The following DSCAM variants were observed in gnomAD, a reference collection of about 807,000 sequenced individuals.
DSCAM encodes cell adhesion molecule DSCAM.
A neutral mutation model predicts 217.7 loss-of-function variants in DSCAM; 47 were observed. That is an observed-to-expected ratio of 0.22 (90% CI 0.17 to 0.28). DSCAM has a LOEUF of 0.28. Among genes scored for constraint, DSCAM ranks in the 10% least tolerant of loss-of-function variants. The pLI is 1.00. For synonymous variants in DSCAM, 1,056 were observed against 1,015.3 expected (o/e 1.04, Z -0.76); for missense variants, 2,080 against 2,618.3 (o/e 0.79, Z 4.49).
Position 40,013,248 on chromosome 21 carries a change from A to C in DSCAM, c.5825T>G (p.Val1942Gly), listed in dbSNP as rs560448697. 4.5e-5 allele frequency: 73 copies of C among 1,613,878 alleles called. 1 individual carries two copies. The South Asian group carries it at 7.8e-4, about 17-fold the overall frequency. ...GGCTTCCATCGGGATGGGCTCCAGG[A>C]CCGTGGGGCGCTTCAGGGTCCGGCT... ...QKSRTLKRPT[V>G]LEPIPMEAAS... Residue 1942 changes from valine (V) to glycine (G), a missense_variant, in exon 33 of 33, where the codon GTC becomes GGC. Val to Gly is a moderately radical substitution (Grantham distance 109). Around this residue, in one of 5 missense-constraint regions of DSCAM, gnomAD observed 145 missense variants for 138.5 expected, o/e 1.05. Transcript: ENST00000400454.
intron 20 of DSCAM, among the ~76,000 whole-genome samples, chr21:40,105,346 C>G (rs1257144843): frequency 6.6e-6 from 1 of 152,110 alleles, no homozygotes; most frequent in East Asian, 1.9e-4. Context: ...GGCTGTGTCC[C>G]CACCCAAATC....
At chr21:40,554,565 TAAAGAATATGAGTAAC>T (rs1267102447) in intron 3 of DSCAM, among the ~76,000 whole-genome samples, 1 of 152,116 alleles carries the variant, frequency 6.6e-6, no homozygotes, top group Non-Finnish European at 1.5e-5. Context: ...TAGTACTGAG[TAAAGAATATGAGTAAC>T]AAATCTCAGA....
chr21:40,388,168 C>T (rs9976372), intron 3 of DSCAM, among the ~76,000 whole-genome samples: 103,904 of 151,994 alleles, frequency 0.68, 36,308 homozygotes, highest in African/African-American at 0.82. Flanking sequence ...AGCAGGCTTG[C>T]GCCTGGAACT....
intron 3 of DSCAM, among the ~76,000 whole-genome samples, chr21:40,387,254 GA>G (rs985764868): frequency 7.9e-5 from 12 of 151,428 alleles, no homozygotes; most frequent in Admixed American, 1.3e-4. Context: ...CATTTAGGGG[GA>G]AAAAACATAG....
chr21:40,759,947 G>A (rs2091313840), intron 1 of DSCAM, among the ~76,000 whole-genome samples: 1 of 150,446 alleles, frequency 6.6e-6, no homozygotes, highest in African/African-American at 2.4e-5. Context: ...GAGCTGTATT[G>A]GATACGTTTA....
intron 14 of DSCAM, among the ~76,000 whole-genome samples, chr21:40,185,698 C>A (rs1381963263): frequency 6.6e-6 from 1 of 152,198 alleles, no homozygotes; most frequent in African/African-American, 2.4e-5. Flanking sequence ...ACCTAAGAAG[C>A]ATTTGCTTCA....
chr21:40,226,136 T>C (rs2091330785), intron 11 of DSCAM, among the ~76,000 whole-genome samples: 1 of 152,140 alleles, frequency 6.6e-6, no homozygotes, highest in Admixed American at 6.5e-5. Context: ...GAGATGGAGT[T>C]AGTACATCGC....
rs563133615 is a variant in DSCAM, at chr21:40,568,807, C to T, written c.508+124003G>A. ...GGGCAGAATGATGTGAGAGAGGCCC[C>T]AGGAGCTCACTCAGGGCAGGCTAGA... On this transcript the variant is annotated intron_variant, in intron 3 of 32. Transcript: ENST00000400454. Among the ~76,000 whole-genome samples the T allele has an allele frequency of 4.6e-5, 7 of 152,296 alleles. 1 individual carries two copies. Among genetic ancestry groups the T allele is most frequent in the African/African-American group, 1.4e-4 (6 of 41,568 alleles).
At chr21:40,313,754 CT>C (rs1220327102) in intron 8 of DSCAM, among the ~76,000 whole-genome samples, 2 of 151,782 alleles carry the variant, frequency 1.3e-5, no homozygotes, top group African/African-American at 4.8e-5. Flanking sequence ...TAATGTAAGC[CT>C]TTTTTGTGTT....
At chr21:40,543,120 A>G (rs1475715547) in intron 3 of DSCAM, among the ~76,000 whole-genome samples, 3 of 152,192 alleles carry the variant, frequency 2.0e-5, no homozygotes, top group East Asian at 3.8e-4. Context: ...CACATACAAA[A>G]TATGTTTAAG....
chr21:40,578,423 CACCAATCAGCACTCTGTAAAACAG>C (rs774611889), intron 3 of DSCAM, among the ~76,000 whole-genome samples: 73,322 of 151,064 alleles, frequency 0.49, 18,127 homozygotes, highest in Admixed American at 0.56. Flanking sequence ...TGTAAAAACG[CACCAATCAGCACTCTGTAAAACAG>C]ACCAATCAGC....
intron 4 of DSCAM, among the ~76,000 whole-genome samples, chr21:40,362,987 T>A (rs752213975): frequency 4.6e-5 from 7 of 152,174 alleles, no homozygotes; most frequent in Non-Finnish European, 7.3e-5. Context: ...GAGAGCCGCT[T>A]TATGTTGATT....
chr21:40,225,157 A>T (rs1490233019), intron 11 of DSCAM, among the ~76,000 whole-genome samples: 3 of 152,166 alleles, frequency 2.0e-5, no homozygotes, highest in African/African-American at 7.2e-5. Flanking sequence ...TCAGACTCAG[A>T]TCCTCCTGCC....
intron 3 of DSCAM, among the ~76,000 whole-genome samples, chr21:40,373,901 AGAT>A (rs1191606963): frequency 6.6e-6 from 1 of 152,202 alleles, no homozygotes; most frequent in Non-Finnish European, 1.5e-5. Flanking sequence ...GAAAAAAGAG[AGAT>A]GATGAGTAAT....
intron 3 of DSCAM, among the ~76,000 whole-genome samples, chr21:40,607,434 C>G (rs1439981831): frequency 6.8e-6 from 1 of 146,096 alleles, no homozygotes; most frequent in Non-Finnish European, 1.5e-5. Context: ...AAATAAATTC[C>G]ATCTTTTCAG....
chr21:40,364,570 C>T (rs1163919197), intron 4 of DSCAM, among the ~76,000 whole-genome samples: 1 of 150,936 alleles, frequency 6.6e-6, no homozygotes, highest in Non-Finnish European at 1.5e-5. Context: ...GGAGATATAC[C>T]TAATGTTAAA....
intron 11 of DSCAM, among the ~76,000 whole-genome samples, chr21:40,218,772 C>A (rs2091265848): frequency 6.6e-6 from 1 of 151,958 alleles, no homozygotes. Context: ...GATTGCCTTT[C>A]TAATTTGGCT....
At chr21:40,441,691 A>G (rs1375935711) in intron 3 of DSCAM, among the ~76,000 whole-genome samples, 1 of 152,110 alleles carries the variant, frequency 6.6e-6, no homozygotes, top group East Asian at 1.9e-4. Flanking sequence ...TAAAATTTAA[A>G]CCCTTGACCT....
intron 3 of DSCAM, among the ~76,000 whole-genome samples, chr21:40,472,373 T>C (rs139476485): frequency 1.2e-4 from 18 of 152,270 alleles, no homozygotes; most frequent in African/African-American, 2.2e-4. Context: ...CTAATAACTA[T>C]TGAAAGCAAT....
Sources: allele counts gnomAD v4.1 joint callset (sites outside exome capture counted in the v4.1 genomes callset), GRCh38; gene constraint gnomAD v4.1.1; regional missense constraint gnomAD v4.1.1; transcripts MANE v1.5; gene names NCBI Gene and HGNC (gene_info 2026-07-23, HGNC 2026-07-21).